SPECC1L: variants seen among roughly 807,000 people sequenced by gnomAD.
The protein encoded by SPECC1L is sperm antigen with calponin homology and coiled-coil domains 1 like, also known as cytospin-A.
Under a neutral mutation model 116.8 loss-of-function variants are expected in SPECC1L, and 40 were observed. The observed-to-expected ratio is 0.34, with a 90% CI of 0.27 to 0.45. The LOEUF is 0.45. Ranked by LOEUF, SPECC1L falls within the 20% of genes least tolerant of loss-of-function variation. SPECC1L has a pLI of 1.00. For synonymous variants in SPECC1L, 504 were observed against 500.6 expected, an observed-to-expected ratio of 1.01 and a Z score of -0.09; for missense variants, 1,110 against 1,373.6, an observed-to-expected ratio of 0.81 and a Z score of 3.03.
rs1468162648 is a variant in SPECC1L, at chr22:24,281,875, C to T, written c.-38+5072C>T. 3.3e-4 allele frequency among the ~76,000 whole-genome samples: 50 copies of T among 152,192 alleles called. 1 individual carries two copies. Among genetic ancestry groups the T allele is most frequent in the Admixed American group, 3.1e-3 (47 of 15,284 alleles). ...CACCTTGCCCATTGCCTAGACAGAG[C>T]GGAATCATCAAGACGGGAATTGTAA... On this transcript the variant is annotated intron_variant, in intron 2 of 16. Transcript: ENST00000314328.
At chr22:24,348,394 A>G (rs903827566) in intron 11 of SPECC1L, among the ~76,000 whole-genome samples, 2 of 152,158 alleles carry the variant, frequency 1.3e-5, no homozygotes, top group African/African-American at 2.4e-5. Flanking sequence ...GAAGAGTTCA[A>G]TTTGGTGGTT....
intron 2 of SPECC1L, among the ~76,000 whole-genome samples, chr22:24,298,753 G>A (rs1042523620): frequency 6.6e-5 from 10 of 152,188 alleles, no homozygotes; most frequent in Non-Finnish European, 1.5e-4. Flanking sequence ...GTTTTATTCA[G>A]GTCTACAGTT....
At chr22:24,272,590 T>A (rs1156239358) in intron 1 of SPECC1L, among the ~76,000 whole-genome samples, 1 of 151,324 alleles carries the variant, frequency 6.6e-6, no homozygotes, top group Non-Finnish European at 1.5e-5. Context: ...GGAGAATTGC[T>A]TAGGAGGCAG....
chr22:24,313,862 C>G (rs2040507970), intron 4 of SPECC1L, among the ~76,000 whole-genome samples: 1 of 151,934 alleles, frequency 6.6e-6, no homozygotes, highest in African/African-American at 2.4e-5. Flanking sequence ...CCTCAGCCTC[C>G]TGAGTAGCTG....
chr22:24,314,759 C>T (rs1441778789), intron 4 of SPECC1L, among the ~76,000 whole-genome samples: 1 of 152,160 alleles, frequency 6.6e-6, no homozygotes, highest in East Asian at 1.9e-4. Flanking sequence ...GTCCCCTGTC[C>T]CCCCATTTTG....
Position 24,308,751 on chromosome 22 carries a change from T to G in SPECC1L, c.154-4562T>G, listed in dbSNP as rs62233112. 7.4e-3 allele frequency among the ~76,000 whole-genome samples: 1,126 copies of G among 152,344 alleles called. 6 individuals carry two copies. Among genetic ancestry groups the G allele is most frequent in the South Asian group, 0.012 (60 of 4,828 alleles). ...TTGTGATTTTTGCCACATGGTAATT[T>G]TCTAATTCTGTCATTCCTTCTACAT... On this transcript the variant is annotated intron_variant, in intron 3 of 16. Transcript: ENST00000314328.
In SPECC1L at chr22:24,415,699, G is replaced by A. The variant is rs3747114; in HGVS notation, c.*1076G>A. ...CTTGTGAGGGCAGCCACTGCCCTCC[G>A]TGGCCAAGGCAGGACCTCCAAGACT... On this transcript the variant is annotated 3_prime_UTR_variant, in exon 17 of 17. Transcript: ENST00000314328. The A allele has an allele frequency of 0.55, 84,260 of 152,202 alleles. 23,797 individuals carry two copies. Among genetic ancestry groups the A allele is most frequent in the African/African-American group, 0.67 (27,675 of 41,440 alleles). 9.4% of individuals were successfully genotyped at this position (152,202 alleles called of 1,614,324 possible).
chr22:24,297,339 G>A (rs2049287074), intron 2 of SPECC1L, among the ~76,000 whole-genome samples: 1 of 151,966 alleles, frequency 6.6e-6, no homozygotes, highest in Admixed American at 6.5e-5. Context: ...TGTAATTTTA[G>A]TAGAAATGGA....
At chr22:24,317,169 T>C (rs2040596622) in intron 4 of SPECC1L, among the ~76,000 whole-genome samples, 2 of 85,496 alleles carry the variant, frequency 2.3e-5, no homozygotes, top group Non-Finnish European at 2.4e-5. Context: ...ACGGGGCGGC[T>C]GGCTGGGCAG....
rs545341010 is a variant in SPECC1L, at chr22:24,303,419, G to A, written c.153+1035G>A. 7.2e-5 allele frequency among the ~76,000 whole-genome samples: 11 copies of A among 152,338 alleles called. 1 individual carries two copies. The South Asian group carries it at 2.3e-3, about 32-fold the overall frequency. ...CTTGCCCAGCTTCCATTGTCTCAGT[G>A]AACACACTGAATCATTTTGTTGGTG... is the stretch of plus-strand genomic sequence containing the variant. On this transcript the variant is annotated intron_variant, in intron 3 of 16. Transcript: ENST00000314328.
intron 14 of SPECC1L, among the ~76,000 whole-genome samples, chr22:24,376,340 C>T (rs548443762): frequency 1.3e-5 from 2 of 152,188 alleles, no homozygotes; most frequent in South Asian, 4.2e-4. Flanking sequence ...TCTAGAAAAC[C>T]TTTAAGAATT....
intron 4 of SPECC1L, among the ~76,000 whole-genome samples, chr22:24,317,314 G>T (rs1347875366): frequency 1.4e-4 from 13 of 90,456 alleles, no homozygotes; most frequent in Non-Finnish European, 2.1e-4. Flanking sequence ...GCGGGGGGCT[G>T]ACCCCCCCCA....
intron 10 of SPECC1L, among the ~76,000 whole-genome samples, chr22:24,339,721 C>T (rs536321241): frequency 1.3e-5 from 2 of 152,330 alleles, no homozygotes; most frequent in South Asian, 4.1e-4. Context: ...CTAGTGTGCT[C>T]CCTCCGCATT....
At chr22:24,374,108 A>G (rs1296975120) in intron 14 of SPECC1L, among the ~76,000 whole-genome samples, 1 of 152,072 alleles carries the variant, frequency 6.6e-6, no homozygotes, top group South Asian at 2.1e-4. Flanking sequence ...CGATCATTAA[A>G]AAGTCAGGAA....
chr22:24,355,682 A>G (rs75519101), intron 11 of SPECC1L, among the ~76,000 whole-genome samples: 1 of 152,038 alleles, frequency 6.6e-6, no homozygotes, highest in African/African-American at 2.4e-5. Context: ...CAACCTTACT[A>G]TACATATACA....
chr22:24,314,930 C>G (rs1446312450), intron 4 of SPECC1L, among the ~76,000 whole-genome samples: 1 of 152,212 alleles, frequency 6.6e-6, no homozygotes, highest in Non-Finnish European at 1.5e-5. Context: ...TTTCTTCATT[C>G]AGTAACAGGT....
intron 7 of SPECC1L, 78 bp from the exon 8 acceptor site, chr22:24,330,178 T>A (rs2040911152): frequency 1.4e-6 from 2 of 1,473,156 alleles, no homozygotes; most frequent in South Asian, 2.3e-5. Flanking sequence ...AGCAATCCAA[T>A]CATAAACAAA....
chr22:24,407,569 T>C (rs1298233178), intron 14 of SPECC1L, among the ~76,000 whole-genome samples: 2 of 152,144 alleles, frequency 1.3e-5, no homozygotes, highest in Non-Finnish European at 2.9e-5. Flanking sequence ...AGGTTTGTTT[T>C]CCTCCAGAAG....
chr22:24,390,704 A>G (rs962094379), intron 14 of SPECC1L, among the ~76,000 whole-genome samples: 2 of 151,910 alleles, frequency 1.3e-5, no homozygotes, highest in African/African-American at 4.8e-5. Flanking sequence ...GAAGCAATAA[A>G]AACTCCTGGA....
Sources: gnomAD v4.1 joint callset for allele counts (sites outside exome capture counted in the v4.1 genomes callset) on GRCh38, gnomAD v4.1.1 for gene constraint, MANE v1.5 for transcripts, NCBI Gene and HGNC (gene_info 2026-07-23, HGNC 2026-07-21) for gene names.